The following PRKN variants were observed in gnomAD, a reference collection of about 807,000 sequenced individuals.
PRKN encodes parkin RBR E3 ubiquitin protein ligase, also known as E3 ubiquitin-protein ligase parkin.
PRKN carries 56 observed loss-of-function variants against 59.5 expected under a neutral mutation model. That is an observed-to-expected ratio of 0.94 (90% CI 0.76 to 1.18). The LOEUF (loss-of-function observed/expected upper bound fraction) is 1.18, where lower values mean the gene tolerates loss of function less well. Among genes scored for constraint, PRKN ranks in the 50% most tolerant of loss-of-function variants. The pLI is 0.00. For missense variants in PRKN, 657 were observed against 596.4 expected, an observed-to-expected ratio of 1.10 and a Z score of -1.06; for synonymous variants, 250 against 222.1, an observed-to-expected ratio of 1.13 and a Z score of -1.12.
In PRKN at chr6:162,348,775, A is replaced by C. The variant is rs1462208527; in HGVS notation, c.172-86010T>G. ...GTCTACAGACTGTAATTTACCCAAT[A>C]CTGAAGTAAAAAGCAAAAAAGAAAA... On this transcript the variant is annotated intron_variant, in intron 2 of 11. Transcript: ENST00000366898. 2.0e-5 allele frequency among the ~76,000 whole-genome samples: 3 copies of C among 152,144 alleles called. No individual in the cohort carries two copies. The East Asian group carries it at 5.8e-4, about 29-fold the overall frequency.
At chr6:161,877,660 G>A (rs1460144901) in intron 6 of PRKN, among the ~76,000 whole-genome samples, 1 of 151,824 alleles carries the variant, frequency 6.6e-6, no homozygotes, top group East Asian at 1.9e-4. Flanking sequence ...AGTAGAGACA[G>A]GGTTACACCG....
In PRKN at chr6:162,484,835, C is replaced by T. The variant is rs571891141; in HGVS notation, c.8-41362G>A. ...TATTTGTAAGTGCTGTTAGCATATTCAAGAAAATTGGCCCTTTTATCACTT... is the reference window on the plus strand; with the variant it reads ...TATTTGTAAGTGCTGTTAGCATATTTAAGAAAATTGGCCCTTTTATCACTT... On this transcript the variant is annotated intron_variant, in intron 1 of 11. Transcript: ENST00000366898. Among the ~76,000 whole-genome samples the T allele has an allele frequency of 2.0e-5, 3 of 152,292 alleles. No homozygotes were observed. In the East Asian group the frequency reaches 5.8e-4, roughly 29 times the overall value.
At chr6:161,886,628 T>A (rs1483090216) in intron 6 of PRKN, among the ~76,000 whole-genome samples, 1 of 151,288 alleles carries the variant, frequency 6.6e-6, no homozygotes, top group African/African-American at 2.4e-5. Flanking sequence ...ACCCGGGAGG[T>A]GGAGGTTGCG....
intron 2 of PRKN, among the ~76,000 whole-genome samples, chr6:162,302,657 G>C (rs1782011343): frequency 6.6e-6 from 1 of 151,924 alleles, no homozygotes; most frequent in Non-Finnish European, 1.5e-5. Context: ...AGTCCTTATT[G>C]ACACCTTGAT....
In PRKN at chr6:161,767,027, A is replaced by G. The variant is rs531860183; in HGVS notation, c.871+18745T>C. ...ATGTACGCAAAAGGCCTGCCCTAGT[A>G]TCCAGTAGCTAGAAAGTAACGTGAC... On this transcript the variant is annotated intron_variant, in intron 7 of 11. Coordinates refer to ENST00000366898, the MANE Select transcript of PRKN (RefSeq NM_004562.3). 3.3e-5 allele frequency among the ~76,000 whole-genome samples: 5 copies of G among 152,326 alleles called. 1 individual carries two copies. The South Asian group carries it at 1.0e-3, about 32-fold the overall frequency.
intron 6 of PRKN, among the ~76,000 whole-genome samples, chr6:161,827,310 C>T (rs1259547185): frequency 3.9e-5 from 6 of 152,016 alleles, no homozygotes. Context: ...ACTGAGATTT[C>T]CCAATGGGTT....
chr6:161,540,669 T>TC (rs1779585020), intron 9 of PRKN, among the ~76,000 whole-genome samples: 1 of 152,210 alleles, frequency 6.6e-6, no homozygotes, highest in Non-Finnish European at 1.5e-5. Context: ...GAATCCCAAG[T>TC]TGCTTCATAA....
intron 7 of PRKN, among the ~76,000 whole-genome samples, chr6:161,698,731 C>T (rs2128178188): frequency 6.6e-6 from 1 of 152,186 alleles, no homozygotes; most frequent in East Asian, 1.9e-4. Flanking sequence ...GTATATTTAA[C>T]AAGTAATGCT....
intron 1 of PRKN, among the ~76,000 whole-genome samples, chr6:162,622,027 T>C (rs1361137576): frequency 6.6e-6 from 1 of 151,874 alleles, no homozygotes; most frequent in Non-Finnish European, 1.5e-5. Context: ...TGGCCAGGCT[T>C]GTCTTGAACT....
chr6:161,738,645 C>T (rs566536880), intron 7 of PRKN, among the ~76,000 whole-genome samples: 1 of 152,276 alleles, frequency 6.6e-6, no homozygotes, highest in Non-Finnish European at 1.5e-5. Context: ...TAGATGACAA[C>T]TAGTGTGTGT....
intron 6 of PRKN, among the ~76,000 whole-genome samples, chr6:161,839,178 T>G (rs1242312014): frequency 6.6e-6 from 1 of 152,060 alleles, no homozygotes; most frequent in Non-Finnish European, 1.5e-5. Flanking sequence ...ATTGGAGATA[T>G]GCCTCCCACA....
At chr6:162,502,208 T>C (rs1423841835) in intron 1 of PRKN, among the ~76,000 whole-genome samples, 1 of 152,174 alleles carries the variant, frequency 6.6e-6, no homozygotes, top group Non-Finnish European at 1.5e-5. Flanking sequence ...TTGCCCAAGC[T>C]GGAGTCCAGT....
At position 161,581,393 on chromosome 6, in the gene PRKN, T is replaced by C. The variant is rs1411954861; in HGVS notation, c.872-11977A>G. 1.3e-5 allele frequency among the ~76,000 whole-genome samples: 2 copies of C among 152,214 alleles called. No individual in the cohort carries two copies. Among genetic ancestry groups the C allele is most frequent in the Non-Finnish European group, 2.9e-5 (2 of 68,044 alleles). On this transcript the variant is annotated intron_variant, in intron 7 of 11. Coordinates refer to ENST00000366898, the MANE Select transcript of PRKN (RefSeq NM_004562.3). This position sits in a 1 kb window ranked among gnomAD's most constrained non-coding sequence, Gnocchi z 4.5. ...TTTGCTGTTTTTGTGTTTGGTTATT[T>C]AGTGACTTTAAAAATGTCAATTAAC...
intron 1 of PRKN, among the ~76,000 whole-genome samples, chr6:162,602,023 G>A (rs1046817771): frequency 2.0e-4 from 30 of 152,318 alleles, no homozygotes; most frequent in African/African-American, 6.0e-4. Context: ...TATTCACTCC[G>A]TAGTTGAAGA....
rs1455195222 is a variant in PRKN, at chr6:161,544,948, C to A, written c.1083+3906G>T. Among the ~76,000 whole-genome samples the A allele has an allele frequency of 2.6e-5, 4 of 152,096 alleles. No individual in the cohort carries two copies. The highest frequency in any genetic ancestry group is 5.9e-5 in the Non-Finnish European group (4 of 68,024). ...GAAGCTGAACTAAAGACACAGAAGC[C>A]TTCAAATGGAAAGGATATACAACAG... On this transcript the variant is annotated intron_variant, in intron 9 of 11. Transcript: ENST00000366898. The surrounding 1 kb of genome is among the most constrained non-coding windows in gnomAD (Gnocchi z 5.5).
At chr6:162,518,663 G>C (rs945128318) in intron 1 of PRKN, among the ~76,000 whole-genome samples, 5 of 152,112 alleles carry the variant, frequency 3.3e-5, no homozygotes, top group Non-Finnish European at 7.4e-5. Flanking sequence ...CACAATACCC[G>C]GCCAGCAAAT....
chr6:162,345,915 G>A (rs1355296042), intron 2 of PRKN, among the ~76,000 whole-genome samples: 2 of 152,070 alleles, frequency 1.3e-5, no homozygotes, highest in East Asian at 1.9e-4. Flanking sequence ...TGGGGCCTTT[G>A]GGAGGTAATT....
intron 1 of PRKN, among the ~76,000 whole-genome samples, chr6:162,495,062 C>A (rs1291381214): frequency 3.3e-5 from 5 of 152,250 alleles, no homozygotes; most frequent in African/African-American, 1.2e-4. Flanking sequence ...AGTTTGATAT[C>A]CACATTAAAA....
At chr6:162,226,817 A>G (rs1309235895) in intron 3 of PRKN, among the ~76,000 whole-genome samples, 1 of 152,218 alleles carries the variant, frequency 6.6e-6, no homozygotes, top group Non-Finnish European at 1.5e-5. Context: ...CTTGAGCCTA[A>G]GAATTCCTAG....
Sources: allele counts gnomAD v4.1 joint callset (sites outside exome capture counted in the v4.1 genomes callset), GRCh38; gene constraint gnomAD v4.1.1; non-coding constraint Gnocchi (gnomAD v3.1); transcripts MANE v1.5; gene names NCBI Gene and HGNC (gene_info 2026-07-23, HGNC 2026-07-21).